FNBP1: variants seen among roughly 807,000 people sequenced by gnomAD.
The protein encoded by FNBP1 is formin-binding protein 1.
In FNBP1, 26 loss-of-function variants were observed where a neutral mutation model predicts 90.6. That is an observed-to-expected ratio of 0.29 (90% CI 0.21 to 0.40). The LOEUF is 0.40. FNBP1 is among the 10% of genes least tolerant of loss of function. The pLI, the probability that FNBP1 is intolerant of heterozygous loss-of-function variation, is 1.00. For synonymous variants in FNBP1, 260 were observed against 265.2 expected, an observed-to-expected ratio of 0.98 and a Z score of 0.19; for missense variants, 635 against 768.0, an observed-to-expected ratio of 0.83 and a Z score of 2.05.
chr9:129,995,668 T>TC (rs1411005666), intron 1 of FNBP1, among the ~76,000 whole-genome samples: 1 of 151,904 alleles, frequency 6.6e-6, no homozygotes, highest in Non-Finnish European at 1.5e-5. Context: ...CATGACTCTG[T>TC]CCCCCCAAAT....
At chr9:129,970,465 C>G (rs1193098707) in intron 4 of FNBP1, among the ~76,000 whole-genome samples, 2 of 152,192 alleles carry the variant, frequency 1.3e-5, no homozygotes, top group Non-Finnish European at 2.9e-5. Context: ...CTTGGCCTCC[C>G]AAAGTGCTGG....
Position 129,900,841 on chromosome 9 carries a change from A to T in FNBP1, c.1429-294T>A, listed in dbSNP as rs867134935. 2.0e-5 allele frequency among the ~76,000 whole-genome samples: 3 copies of T among 152,392 alleles called. No homozygotes were observed. The South Asian group carries it at 6.2e-4, about 32-fold the overall frequency. On this transcript the variant is annotated intron_variant, in intron 13 of 16. Transcript: ENST00000446176. The surrounding 1 kb of genome is among the most constrained non-coding windows in gnomAD (Gnocchi z 4.1). ...TATGTGGTTGCCCACGATGGGGCAG[A>T]AAGCACACTGGACTATGCTATCCCC...
intron 6 of FNBP1, among the ~76,000 whole-genome samples, chr9:129,943,998 A>AAAAAAAAC (rs2044772547): frequency 6.7e-6 from 1 of 150,116 alleles, no homozygotes; most frequent in Non-Finnish European, 1.5e-5. Context: ...ATCTCAAAAA[A>AAAAAAAAC]AAAAAAAAAA....
chr9:130,023,566 G>A (rs567802297), intron 1 of FNBP1, among the ~76,000 whole-genome samples: 25 of 152,304 alleles, frequency 1.6e-4, no homozygotes, highest in Middle Eastern at 3.4e-3. Flanking sequence ...CTGGCCGGAG[G>A]AGACTGTGTT....
chr9:130,027,513 T>C (rs1271183310), intron 1 of FNBP1, among the ~76,000 whole-genome samples: 1 of 152,220 alleles, frequency 6.6e-6, no homozygotes, highest in East Asian at 1.9e-4. Flanking sequence ...TACTATCTAT[T>C]ACAACTTCTA....
rs183700922 is a variant in FNBP1 at position 129,979,227 on chromosome 9, A to T, written c.197+91T>A. ...TGACACAAAATGAATGGGAAATGCAACTTATTTTTATAGACATGTATTTCT... is the reference window on the plus strand; with the variant it reads ...TGACACAAAATGAATGGGAAATGCATCTTATTTTTATAGACATGTATTTCT... On this transcript the variant is annotated intron_variant, in intron 3 of 16. Transcript: ENST00000446176. The T allele has an allele frequency of 2.2e-3, 1,593 of 716,006 alleles. 2 individuals are homozygous for T. Among genetic ancestry groups the T allele is most frequent in the Non-Finnish European group, 3.4e-3 (1,449 of 423,590 alleles). The allele number at this position is 716,006 out of a possible 1,614,324, so 44.4% of individuals were successfully genotyped here.
intron 4 of FNBP1, among the ~76,000 whole-genome samples, chr9:129,968,282 C>A (rs1036444878): frequency 6.6e-6 from 1 of 151,216 alleles, no homozygotes; most frequent in Non-Finnish European, 1.5e-5. Context: ...GTAATCCCAG[C>A]TATGGGGGAG....
At chr9:129,892,794 T>C (rs116591073) in intron 16 of FNBP1, among the ~76,000 whole-genome samples, 1 of 152,194 alleles carries the variant, frequency 6.6e-6, no homozygotes, top group African/African-American at 2.4e-5. Context: ...TTTAACTGTT[T>C]AGTCAATATT....
chr9:129,890,303 G>A lies in FNBP1; in HGVS notation c.*236C>T, dbSNP rs1325544948. ...CGGGGTGGGGAGGGGGAGCGATGAG[G>A]ACTGACCCGAGCCATGGGGGTGGGC... On this transcript the variant is annotated 3_prime_UTR_variant, in exon 17 of 17. Transcript: ENST00000446176. The surrounding 1 kb of genome is among the most constrained non-coding windows in gnomAD (Gnocchi z 5.8). 1.5e-5 allele frequency: 9 copies of A among 590,700 alleles called. No individual in the cohort carries two copies. The highest frequency in any genetic ancestry group is 2.4e-5 in the Non-Finnish European group (8 of 332,812). 36.6% of individuals were successfully genotyped at this position (590,700 alleles called of 1,614,324 possible).
At chr9:130,047,970 G>A (rs1196172268), upstream of FNBP1, among the ~76,000 whole-genome samples, 2 of 152,114 alleles carry the variant, frequency 1.3e-5, no homozygotes, top group African/African-American at 4.8e-5. Flanking sequence ...CTTATTAGTT[G>A]TGTGGCCTTC....
intron 15 of FNBP1, among the ~76,000 whole-genome samples, 177 bp downstream of exon 15, chr9:129,899,784 GGGAA>G (rs1213100845): frequency 1.2e-4 from 17 of 142,748 alleles, no homozygotes; most frequent in South Asian, 4.6e-4. Flanking sequence ...AGGGAGGGAA[GGGAA>G]GGGAAGGAAG....
intron 6 of FNBP1, among the ~76,000 whole-genome samples, chr9:129,938,221 G>A (rs937907403): frequency 1.3e-5 from 2 of 152,148 alleles, no homozygotes; most frequent in Non-Finnish European, 2.9e-5. Flanking sequence ...TAATGGAGTA[G>A]AAGGGACACT....
intron 10 of FNBP1, among the ~76,000 whole-genome samples, chr9:129,919,469 C>G (rs144895712): frequency 1.3e-5 from 2 of 152,224 alleles, no homozygotes; most frequent in East Asian, 3.9e-4. Flanking sequence ...ATAAAATTCC[C>G]CTTTGTAGAC....
At chr9:129,929,825 G>C in intron 6 of FNBP1, 130 bp from the exon 7 acceptor site, 1 of 795,520 alleles carries the variant, frequency 1.3e-6, no homozygotes, top group Non-Finnish European at 2.0e-6. Context: ...TATTCCGCGG[G>C]TGCTTTTTAA....
intron 2 of FNBP1, among the ~76,000 whole-genome samples, chr9:129,992,549 C>CT (rs11455680): frequency 0.79 from 73,102 of 92,860 alleles, 29,376 homozygotes; most frequent in South Asian, 0.84. Context: ...ACACATAGCT[C>CT]TTTTTTTTTT....
At chr9:129,920,376 A>G (rs1444731370) in intron 10 of FNBP1, among the ~76,000 whole-genome samples, 1 of 152,050 alleles carries the variant, frequency 6.6e-6, no homozygotes, top group African/African-American at 2.4e-5. Context: ...ATCTCGGCTC[A>G]CTGCAACCTC....
intron 4 of FNBP1, among the ~76,000 whole-genome samples, chr9:129,973,798 T>A (rs2049871620): frequency 6.8e-6 from 1 of 146,436 alleles, no homozygotes. Context: ...CCACCGCGCC[T>A]GGCCTCTTCT....
chr9:129,960,399 A>T (rs545323676), intron 4 of FNBP1, among the ~76,000 whole-genome samples: 1 of 128,104 alleles, frequency 7.8e-6, no homozygotes, highest in Non-Finnish European at 1.7e-5. Context: ...AAAAAAAAAA[A>T]AAAAGAAAAA....
At chr9:129,915,809 C>A (rs1057446267) in intron 11 of FNBP1, among the ~76,000 whole-genome samples, 157 bp downstream of exon 11, 3 of 152,084 alleles carry the variant, frequency 2.0e-5, no homozygotes, top group African/African-American at 7.2e-5. Context: ...ACCTTTGTAT[C>A]CAAGAAGTCT....
Sources: allele counts gnomAD v4.1 joint callset (sites outside exome capture counted in the v4.1 genomes callset), GRCh38; gene constraint gnomAD v4.1.1; non-coding constraint Gnocchi (gnomAD v3.1); transcripts MANE v1.5; gene names NCBI Gene and HGNC (gene_info 2026-07-23, HGNC 2026-07-21).